The following SPMIP5 variants were observed in gnomAD, a reference collection of about 807,000 sequenced individuals.
SPMIP5 encodes the protein sperm microtubule inner protein 5, also known as sperm-associated microtubule inner protein 5.
the SPMIP5 span, chr10:116,664,964 T>C: frequency 1.3e-5 from 21 of 1,595,802 alleles, no homozygotes; most frequent in Admixed American, 1.1e-4. Context: ...AAAGACACCA[T>C]GGCACAGAGA....
the SPMIP5 span, among the ~76,000 whole-genome samples, chr10:116,662,849 G>A: frequency 6.6e-6 from 1 of 152,146 alleles, no homozygotes; most frequent in Admixed American, 6.5e-5. Flanking sequence ...AGTGAAGTAG[G>A]GCATGCTCCT....
At chr10:116,665,334 G>A in the SPMIP5 span, 4,442 of 360,390 alleles carry the variant, frequency 0.012, 187 homozygotes, top group African/African-American at 0.088. Flanking sequence ...GAACCCAGGA[G>A]GCAGAGGTTG....
chr10:116,665,438 A>C, the SPMIP5 span: 3 of 586,050 alleles, frequency 5.1e-6, no homozygotes, highest in Non-Finnish European at 8.7e-6. Context: ...GAAAGAAAGA[A>C]AAAGAAATGT....
chr10:116,669,112 C>A, the SPMIP5 span, among the ~76,000 whole-genome samples: 70 of 152,292 alleles, frequency 4.6e-4, no homozygotes, highest in African/African-American at 1.6e-3. Context: ...GCTGTTTCTG[C>A]AATAAGACAC....
the SPMIP5 span, chr10:116,664,719 C>CTTTAGCG: frequency 6.2e-7 from 1 of 1,601,678 alleles, no homozygotes. Context: ...GCACTTCTCC[C>CTTTAGCG]TTTGACCTTG....
At chr10:116,668,972 A>ACACACACACACACACACACAC in the SPMIP5 span, among the ~76,000 whole-genome samples, 7 of 58,946 alleles carry the variant, frequency 1.2e-4, no homozygotes, top group African/African-American at 4.7e-4. Flanking sequence ...CACACACACA[A>ACACACACACACACACACACAC]ACAAGGGAGA....
the SPMIP5 span, among the ~76,000 whole-genome samples, chr10:116,662,413 A>T: frequency 6.6e-6 from 1 of 152,186 alleles, no homozygotes; most frequent in Non-Finnish European, 1.5e-5. Context: ...TGTTGCCTGC[A>T]TTCATCAAGG....
At chr10:116,665,920 T>G in the SPMIP5 span, 1 of 1,074,484 alleles carries the variant, frequency 9.3e-7, no homozygotes, top group Non-Finnish European at 1.3e-6. Context: ...AGCCCACCCT[T>G]TGGCATTTCT....
the SPMIP5 span, chr10:116,664,673 G>A: frequency 6.5e-7 from 1 of 1,547,736 alleles, no homozygotes; most frequent in East Asian, 2.3e-5. Context: ...CCTAGTGCTG[G>A]GATGGGGACA....
the SPMIP5 span, among the ~76,000 whole-genome samples, chr10:116,666,616 C>T: frequency 0.014 from 2,168 of 152,224 alleles, 52 homozygotes; most frequent in African/African-American, 0.049. Flanking sequence ...TAGCAATCCT[C>T]ACCCCCAGAG....
chr10:116,665,778 A>C, the SPMIP5 span: 1 of 1,614,104 alleles, frequency 6.2e-7, no homozygotes, highest in Non-Finnish European at 8.5e-7. Context: ...ACAGTGGTTC[A>C]TGTCATCCTC....
chr10:116,664,730 T>C, the SPMIP5 span: 3 of 1,606,596 alleles, frequency 1.9e-6, no homozygotes, highest in Admixed American at 1.7e-5. Flanking sequence ...TTTGACCTTG[T>C]GCCTGGGGTA....
the SPMIP5 span, chr10:116,663,699 G>T: frequency 1.8e-6 from 1 of 552,872 alleles, no homozygotes; most frequent in Non-Finnish European, 3.0e-6. Flanking sequence ...TTTAGCATGC[G>T]GAGAAGCAGC....
chr10:116,666,566 T>C, the SPMIP5 span, among the ~76,000 whole-genome samples: 12 of 152,078 alleles, frequency 7.9e-5, no homozygotes, highest in African/African-American at 2.9e-4. Context: ...ATTTTTGCCA[T>C]GGTCTCCAGG....
chr10:116,664,228 T>C, the SPMIP5 span: 1 of 1,612,952 alleles, frequency 6.2e-7, no homozygotes, highest in South Asian at 1.1e-5. Flanking sequence ...TGCAAAACTT[T>C]TGGAGACGGA....
At chr10:116,664,093 C>T in the SPMIP5 span, 7 of 1,613,168 alleles carry the variant, frequency 4.3e-6, no homozygotes, top group Non-Finnish European at 5.9e-6. Flanking sequence ...GGAGCTGGCC[C>T]AGCTAAGCAG....
chr10:116,664,572 A>G, the SPMIP5 span: 1 of 1,159,650 alleles, frequency 8.6e-7, no homozygotes, highest in Non-Finnish European at 1.2e-6. Context: ...AATGCTGAGC[A>G]CAGGTTGGGA....
At chr10:116,664,439 G>C in the SPMIP5 span, 6 of 784,548 alleles carry the variant, frequency 7.6e-6, no homozygotes, top group East Asian at 2.9e-5. Flanking sequence ...TTTCGCAGAA[G>C]AGAAAGCTGA....
the SPMIP5 span, among the ~76,000 whole-genome samples, chr10:116,666,476 C>G: frequency 1.4e-5 from 2 of 147,554 alleles, no homozygotes; most frequent in African/African-American, 5.1e-5. Context: ...TTTTGAAGAA[C>G]AAATGAGGAA....
Sources: allele counts gnomAD v4.1 joint callset (sites outside exome capture counted in the v4.1 genomes callset), GRCh38; gene constraint gnomAD v4.1.1; transcripts MANE v1.5; gene names NCBI Gene and HGNC (gene_info 2026-07-23, HGNC 2026-07-21).